Variants in SLC24A2 observed in about 807,000 individuals in gnomAD.
The protein encoded by SLC24A2 is solute carrier family 24 member 2.
SLC24A2 carries 36 observed loss-of-function variants against 62.0 expected under a neutral mutation model. The observed-to-expected ratio is 0.58, with a 90% CI of 0.44 to 0.77. SLC24A2 has a LOEUF of 0.77. Among genes scored for constraint, SLC24A2 ranks in the 30% least tolerant of loss-of-function variants. SLC24A2 has a pLI of 0.00. For synonymous variants in SLC24A2, 358 were observed against 294.0 expected, an observed-to-expected ratio of 1.22 and a Z score of -2.23; for missense variants, 846 against 817.9, an observed-to-expected ratio of 1.03 and a Z score of -0.42.
intron 2 of SLC24A2, among the ~76,000 whole-genome samples, chr9:19,702,396 C>T (rs1820381592): frequency 6.6e-6 from 1 of 152,216 alleles, no homozygotes; most frequent in Non-Finnish European, 1.5e-5. Flanking sequence ...CCCCTCACTA[C>T]ATTTGTATCT....
chr9:19,834,101 G>GTAGA, the SLC24A2 span, among the ~76,000 whole-genome samples: 1 of 152,014 alleles, frequency 6.6e-6, no homozygotes, highest in Non-Finnish European at 1.5e-5. Flanking sequence ...AAGACCAAAG[G>GTAGA]TAGATAAAAC....
intron 8 of SLC24A2, among the ~76,000 whole-genome samples, chr9:19,545,503 G>A (rs1834512181): frequency 1.3e-5 from 2 of 152,126 alleles, no homozygotes; most frequent in Middle Eastern, 3.4e-3. Context: ...GAGAAGAGGT[G>A]TTCAGGTTTT....
chr9:19,623,499 A>C (rs562002754), intron 2 of SLC24A2, among the ~76,000 whole-genome samples: 12 of 152,324 alleles, frequency 7.9e-5, no homozygotes, highest in African/African-American at 2.9e-4. Flanking sequence ...AATTACCTAA[A>C]ATATACACTT....
chr9:20,273,692 C>T, the SLC24A2 span, among the ~76,000 whole-genome samples: 145 of 152,308 alleles, frequency 9.5e-4, 3 homozygotes, highest in South Asian at 0.023. Flanking sequence ...ATTAAAACCT[C>T]TTTCTTTTGT....
At chr9:20,235,553 G>T in the SLC24A2 span, among the ~76,000 whole-genome samples, 1 of 152,224 alleles carries the variant, frequency 6.6e-6, no homozygotes, top group South Asian at 2.1e-4. Context: ...TAATCTCCTG[G>T]TGTGCCGGTT....
intron 2 of SLC24A2, among the ~76,000 whole-genome samples, chr9:19,685,270 CA>C (rs1819846801): frequency 6.6e-6 from 1 of 152,156 alleles, no homozygotes; most frequent in Non-Finnish European, 1.5e-5. Context: ...ATGACACAAA[CA>C]AATGGAAAAA....
At chr9:19,562,463 T>TAATTC (rs1272868029) in intron 7 of SLC24A2, among the ~76,000 whole-genome samples, 1 of 152,224 alleles carries the variant, frequency 6.6e-6, no homozygotes, top group Non-Finnish European at 1.5e-5. Context: ...AGCGAATATA[T>TAATTC]AATTCTTTGT....
At chr9:20,229,056 T>C in the SLC24A2 span, among the ~76,000 whole-genome samples, 1 of 152,092 alleles carries the variant, frequency 6.6e-6, no homozygotes, top group East Asian at 1.9e-4. Context: ...TTATTTCTCT[T>C]TTGCTGCCTT....
the SLC24A2 span, among the ~76,000 whole-genome samples, chr9:20,092,353 G>A: frequency 2.0e-5 from 3 of 152,170 alleles, no homozygotes; most frequent in Non-Finnish European, 4.4e-5. Context: ...CCCAACTGTG[G>A]TTCATGGGCT....
At chr9:20,059,246 G>T in the SLC24A2 span, among the ~76,000 whole-genome samples, 3 of 152,294 alleles carry the variant, frequency 2.0e-5, no homozygotes, top group African/African-American at 7.2e-5. Context: ...AGAACATTTA[G>T]AGAGAAGATC....
At chr9:20,304,229 G>C in the SLC24A2 span, among the ~76,000 whole-genome samples, 4 of 152,172 alleles carry the variant, frequency 2.6e-5, no homozygotes, top group East Asian at 5.8e-4. Context: ...TTCACTGCTG[G>C]ATGCTCTGTC....
the SLC24A2 span, among the ~76,000 whole-genome samples, chr9:19,990,782 C>T: frequency 2.0e-5 from 3 of 149,936 alleles, no homozygotes; most frequent in Non-Finnish European, 3.0e-5. Flanking sequence ...CATAAGTCAT[C>T]GCTTTATCCA....
chr9:20,037,354 C>A, the SLC24A2 span, among the ~76,000 whole-genome samples: 1 of 152,052 alleles, frequency 6.6e-6, no homozygotes, highest in African/African-American at 2.4e-5. Flanking sequence ...TGAATGTTTT[C>A]GATTTGAAGT....
the SLC24A2 span, among the ~76,000 whole-genome samples, chr9:19,890,966 G>A: frequency 0.083 from 12,558 of 152,188 alleles, 654 homozygotes; most frequent in East Asian, 0.25. Context: ...AAAAAAGGAT[G>A]ATTGATTTCT....
At position 19,543,154 on chromosome 9, in the gene SLC24A2, T is replaced by TG. The variant is rs531073429; in HGVS notation, c.1479+6982dup. Among the ~76,000 whole-genome samples, 1,499 of 152,302 alleles carry TG rather than the reference T, an allele frequency of 9.8e-3. 31 individuals are homozygous for TG. Among genetic ancestry groups the TG allele is most frequent in the African/African-American group, 0.035 (1,439 of 41,542 alleles). On this transcript the variant is annotated intron_variant, in intron 8 of 10. Transcript: ENST00000341998. The stretch of plus-strand genomic sequence containing the variant: ...ATTCGACTTCTTCCTGGTTTAGTCT[T>TG]GGGAGGGTGTATGTGTCCAGGAATT...
At chr9:19,896,872 G>C in the SLC24A2 span, among the ~76,000 whole-genome samples, 2,506 of 152,250 alleles carry the variant, frequency 0.016, 23 homozygotes, top group Middle Eastern at 0.044. Context: ...AAAACATTCA[G>C]TAAAATGTCT....
At chr9:20,190,928 T>A in the SLC24A2 span, among the ~76,000 whole-genome samples, 1 of 152,170 alleles carries the variant, frequency 6.6e-6, no homozygotes, top group Non-Finnish European at 1.5e-5. Context: ...CATAAAAAGT[T>A]CTCCAAAAGT....
At chr9:19,613,627 G>C (rs1817688034) in intron 4 of SLC24A2, among the ~76,000 whole-genome samples, 1 of 152,136 alleles carries the variant, frequency 6.6e-6, no homozygotes, top group Non-Finnish European at 1.5e-5. Flanking sequence ...GTCTTCCTAA[G>C]TAGAAGTGGT....
chr9:19,700,068 T>C (rs554953250), intron 2 of SLC24A2, among the ~76,000 whole-genome samples: 1 of 152,316 alleles, frequency 6.6e-6, no homozygotes, highest in African/African-American at 2.4e-5. Context: ...CAGATGAAGT[T>C]TAAAGACAGT....
Sources: allele counts gnomAD v4.1 joint callset (sites outside exome capture counted in the v4.1 genomes callset), GRCh38; gene constraint gnomAD v4.1.1; transcripts MANE v1.5; gene names NCBI Gene and HGNC (gene_info 2026-07-23, HGNC 2026-07-21).